The following MREG variants were observed in gnomAD, a reference collection of about 807,000 sequenced individuals.
The protein encoded by MREG is melanoregulin.
In MREG, 31 loss-of-function variants were observed where a neutral mutation model predicts 28.5. That is an observed-to-expected ratio of 1.09 (90% CI 0.82 to 1.47). The LOEUF (loss-of-function observed/expected upper bound fraction) is 1.47. Ranked by LOEUF, MREG falls within the 40% of genes most tolerant of loss-of-function variation. The pLI is 0.00. For synonymous variants in MREG, 106 were observed against 95.2 expected, an observed-to-expected ratio of 1.11 and a Z score of -0.66; for missense variants, 256 against 257.4, an observed-to-expected ratio of 0.99 and a Z score of 0.04.
intron 1 of MREG, among the ~76,000 whole-genome samples, chr2:215,999,527 T>C (rs1693957167): frequency 6.6e-6 from 1 of 152,200 alleles, no homozygotes; most frequent in Admixed American, 6.5e-5. Context: ...AGCTTCTCCA[T>C]TCAAATAGTC....
intron 2 of MREG, among the ~76,000 whole-genome samples, chr2:215,960,602 G>A (rs574218783): frequency 1.3e-5 from 2 of 152,196 alleles, no homozygotes; most frequent in South Asian, 2.1e-4. Context: ...TTGGGAGGCT[G>A]AGGCGGGCGG....
At chr2:216,012,435 T>G (rs984404810) in intron 1 of MREG, among the ~76,000 whole-genome samples, 1 of 152,242 alleles carries the variant, frequency 6.6e-6, no homozygotes, top group Non-Finnish European at 1.5e-5. Context: ...AAAGAAACCC[T>G]GGCTTTAGTA....
At chr2:216,030,952 T>TCACACACA (rs1219324655) in intron 1 of MREG, among the ~76,000 whole-genome samples, 3 of 106,990 alleles carry the variant, frequency 2.8e-5, no homozygotes, top group Non-Finnish European at 5.7e-5. Flanking sequence ...TCTCTCTCTC[T>TCACACACA]CTCTCACACA....
chr2:215,960,393 C>G (rs903541318), intron 2 of MREG, among the ~76,000 whole-genome samples: 25 of 152,236 alleles, frequency 1.6e-4, no homozygotes, highest in African/African-American at 6.0e-4. Flanking sequence ...GGCTGCTGAA[C>G]TGCACTGCAC....
At chr2:215,952,100 CTTCT>C (rs1692505421) in intron 2 of MREG, among the ~76,000 whole-genome samples, 1 of 152,134 alleles carries the variant, frequency 6.6e-6, no homozygotes, top group Admixed American at 6.6e-5. Context: ...GCAGGATTTC[CTTCT>C]TTGTTAAGAC....
intron 2 of MREG, among the ~76,000 whole-genome samples, chr2:215,978,707 T>C (rs1693328025): frequency 6.6e-6 from 1 of 152,204 alleles, no homozygotes; most frequent in African/African-American, 2.4e-5. Flanking sequence ...GCTTCATCCC[T>C]GGGATGCAAG....
intron 2 of MREG, among the ~76,000 whole-genome samples, chr2:215,983,326 T>C (rs1270048385): frequency 6.6e-6 from 1 of 152,266 alleles, no homozygotes; most frequent in African/African-American, 2.4e-5. Context: ...TCTCAGTTTC[T>C]GAGTGCTTAA....
chr2:216,028,676 T>C (rs895981950), intron 1 of MREG, among the ~76,000 whole-genome samples: 2 of 152,192 alleles, frequency 1.3e-5, no homozygotes, highest in Non-Finnish European at 2.9e-5. Flanking sequence ...TTCCATTTTT[T>C]CTCACTGTAC....
chr2:215,974,661 G>A (rs976567192), intron 2 of MREG, among the ~76,000 whole-genome samples: 1 of 152,014 alleles, frequency 6.6e-6, no homozygotes, highest in Non-Finnish European at 1.5e-5. Flanking sequence ...GGCAGGGGAG[G>A]GGAAGACAGC....
intron 2 of MREG, among the ~76,000 whole-genome samples, chr2:215,988,507 T>TC (rs1693638149): frequency 6.6e-6 from 1 of 152,194 alleles, no homozygotes; most frequent in Non-Finnish European, 1.5e-5. Context: ...GAGTTTTTTT[T>TC]CATACCCCAG....
upstream of MREG, among the ~76,000 whole-genome samples, chr2:216,015,172 CGT>C (rs574443380): frequency 6.6e-6 from 1 of 151,796 alleles, no homozygotes; most frequent in Non-Finnish European, 1.5e-5. Context: ...CGCGCGCGTG[CGT>C]GTGTGTTCGT....
intron 1 of MREG, among the ~76,000 whole-genome samples, chr2:216,020,115 T>C (rs1276661405): frequency 1.3e-5 from 2 of 152,176 alleles, no homozygotes; most frequent in Admixed American, 6.5e-5. Context: ...AGCCCTTCCA[T>C]GAAGGGATTC....
chr2:215,944,312 A>G lies in MREG; in HGVS notation c.*551T>C, dbSNP rs1301487862. 6.6e-6 allele frequency: 1 copy of G among 152,166 alleles called. No homozygotes were observed. Among genetic ancestry groups the G allele is most frequent in the Non-Finnish European group, 1.5e-5 (1 of 68,062 alleles). 9.4% of individuals were successfully genotyped at this position (152,166 alleles called of 1,614,324 possible). ...CATTTCTATCATTTGATACATCTATACTTCTGAATAATCATAACTGATACT... is the reference window on the plus strand; with the variant it reads ...CATTTCTATCATTTGATACATCTATGCTTCTGAATAATCATAACTGATACT... On this transcript the variant is annotated 3_prime_UTR_variant, in exon 5 of 5. Coordinates refer to ENST00000263268, the MANE Select transcript of MREG (RefSeq NM_018000.3).
chr2:216,018,663 C>T (rs1192757067), intron 1 of MREG, among the ~76,000 whole-genome samples: 1 of 152,206 alleles, frequency 6.6e-6, no homozygotes, highest in African/African-American at 2.4e-5. Flanking sequence ...AGAGAAGCAA[C>T]ATGCCTCACC....
chr2:216,010,923 C>T (rs908177613), intron 1 of MREG, among the ~76,000 whole-genome samples: 2 of 150,818 alleles, frequency 1.3e-5, no homozygotes, highest in African/African-American at 2.4e-5. Context: ...GGTGAAACCC[C>T]GTCTCTACTA....
intron 1 of MREG, among the ~76,000 whole-genome samples, chr2:216,007,199 G>A (rs915041045): frequency 3.3e-5 from 5 of 151,920 alleles, no homozygotes; most frequent in African/African-American, 7.3e-5. Flanking sequence ...TTGCAAATTC[G>A]CCCACTCGTC....
At chr2:216,013,162 A>G (rs534881981) in intron 1 of MREG, 71 bp downstream of exon 1, 7 of 1,344,796 alleles carry the variant, frequency 5.2e-6, no homozygotes, top group Middle Eastern at 1.8e-4. Flanking sequence ...ACAAGCACAC[A>G]GGTGTCCACA....
chr2:215,958,154 C>T (rs147761834), intron 2 of MREG, among the ~76,000 whole-genome samples: 1,592 of 151,208 alleles, frequency 0.011, 24 homozygotes, highest in African/African-American at 0.036. Context: ...ATACCTAATG[C>T]TAAATGACAA....
At position 215,977,696 on chromosome 2, in the gene MREG, T is replaced by C. The variant is rs188788483; in HGVS notation, c.255+18610A>G. Among the ~76,000 whole-genome samples, 378 of 152,246 alleles carry C rather than the reference T, an allele frequency of 2.5e-3. 1 individual carries two copies. Among genetic ancestry groups the C allele is most frequent in the Non-Finnish European group, 3.8e-3 (261 of 67,998 alleles). ...ACAAACTGTCTCTCAGACCACAGTG[T>C]AATCAAACTAGAACTCAGGATTAAG... On this transcript the variant is annotated intron_variant, in intron 2 of 4. Coordinates refer to ENST00000263268, the MANE Select transcript of MREG (RefSeq NM_018000.3).
Sources: gnomAD v4.1 joint callset for allele counts (sites outside exome capture counted in the v4.1 genomes callset) on GRCh38, gnomAD v4.1.1 for gene constraint, MANE v1.5 for transcripts, NCBI Gene and HGNC (gene_info 2026-07-23, HGNC 2026-07-21) for gene names.